Variants in PPARGC1A observed in about 807,000 individuals in gnomAD.
The protein encoded by PPARGC1A is peroxisome proliferator-activated receptor gamma coactivator 1-alpha.
In PPARGC1A, 25 loss-of-function variants were observed where a neutral mutation model predicts 88.7. That is an observed-to-expected ratio of 0.28 (90% confidence interval 0.21 to 0.39). The LOEUF (loss-of-function observed/expected upper bound fraction) is 0.39. Among genes scored for constraint, PPARGC1A ranks in the 10% least tolerant of loss-of-function variants. The pLI, the probability that PPARGC1A is intolerant of heterozygous loss-of-function variation, is 1.00. For synonymous variants in PPARGC1A, 363 were observed against 355.6 expected (o/e 1.02, Z -0.24); for missense variants, 880 against 968.7 (o/e 0.91, Z 1.22).
At chr4:24,150,225 T>C in the PPARGC1A span, among the ~76,000 whole-genome samples, 1 of 152,170 alleles carries the variant, frequency 6.6e-6, no homozygotes, top group East Asian at 1.9e-4. Context: ...GCTGGTGTAC[T>C]AGCGAACTAT....
chr4:24,156,929 T>C, the PPARGC1A span, among the ~76,000 whole-genome samples: 7 of 152,156 alleles, frequency 4.6e-5, no homozygotes, highest in Non-Finnish European at 1.0e-4. Context: ...ATGGTGTTGC[T>C]GACCAAAATA....
the PPARGC1A span, among the ~76,000 whole-genome samples, chr4:24,394,340 G>A: frequency 6.6e-6 from 1 of 152,262 alleles, no homozygotes; most frequent in Admixed American, 6.5e-5. Context: ...GCTGAGAGAA[G>A]GATACAAGGA....
the PPARGC1A span, among the ~76,000 whole-genome samples, chr4:23,990,455 G>A: frequency 6.6e-6 from 1 of 151,914 alleles, no homozygotes; most frequent in Non-Finnish European, 1.5e-5. Flanking sequence ...AGGATAGATT[G>A]TGTTCTTACA....
the PPARGC1A span, among the ~76,000 whole-genome samples, chr4:24,089,920 G>A: frequency 6.6e-6 from 1 of 152,180 alleles, no homozygotes; most frequent in Admixed American, 6.5e-5. Context: ...ATCTTTGGAA[G>A]CAAACAGCAC....
At chr4:24,344,394 C>T in the PPARGC1A span, among the ~76,000 whole-genome samples, 2 of 151,534 alleles carry the variant, frequency 1.3e-5, no homozygotes, top group African/African-American at 4.8e-5. Context: ...CTGTTCACTA[C>T]ATCCATGCCA....
chr4:23,796,239 C>T (rs1717579202), intron 12 of PPARGC1A, among the ~76,000 whole-genome samples: 3 of 152,124 alleles, frequency 2.0e-5, no homozygotes, highest in South Asian at 2.1e-4. Context: ...GCCCATGGTT[C>T]CTCAATAACT....
chr4:24,328,773 G>A, the PPARGC1A span, among the ~76,000 whole-genome samples: 2 of 152,126 alleles, frequency 1.3e-5, no homozygotes, highest in Non-Finnish European at 2.9e-5. Flanking sequence ...TGCTTTAAAC[G>A]GTCTGATTCT....
At chr4:23,866,839 C>T (rs1466897023) in intron 2 of PPARGC1A, among the ~76,000 whole-genome samples, 1 of 151,938 alleles carries the variant, frequency 6.6e-6, no homozygotes, top group East Asian at 1.9e-4. Flanking sequence ...CACATTTGCT[C>T]TCAGAGATAC....
At chr4:23,802,960 G>T (rs758016180) in intron 10 of PPARGC1A, among the ~76,000 whole-genome samples, 10 of 152,002 alleles carry the variant, frequency 6.6e-5, no homozygotes, top group Non-Finnish European at 1.2e-4. Context: ...TCTGTATAGT[G>T]CATTCTTTTT....
chr4:24,274,722 T>A, the PPARGC1A span, among the ~76,000 whole-genome samples: 1 of 152,186 alleles, frequency 6.6e-6, no homozygotes, highest in Non-Finnish European at 1.5e-5. Context: ...TTTAGGGAGA[T>A]GAAAGAGACC....
chr4:24,258,955 C>A, the PPARGC1A span, among the ~76,000 whole-genome samples: 1 of 152,210 alleles, frequency 6.6e-6, no homozygotes, highest in South Asian at 2.1e-4. Context: ...ATGTATATGA[C>A]ATAGGTCCTA....
the PPARGC1A span, among the ~76,000 whole-genome samples, chr4:24,245,241 C>A: frequency 3.9e-5 from 6 of 152,192 alleles, no homozygotes; most frequent in African/African-American, 1.4e-4. Context: ...ATACTGTGTA[C>A]CCCAAGGTTA....
chr4:24,110,657 T>C, the PPARGC1A span, among the ~76,000 whole-genome samples: 11 of 152,118 alleles, frequency 7.2e-5, no homozygotes, highest in Admixed American at 5.9e-4. Flanking sequence ...ATTTCAAACA[T>C]ACAAGGTGCA....
At chr4:24,058,563 A>G in the PPARGC1A span, among the ~76,000 whole-genome samples, 11 of 152,172 alleles carry the variant, frequency 7.2e-5, no homozygotes, top group African/African-American at 2.7e-4. Flanking sequence ...TGTTTATGAG[A>G]TAAACAGTAA....
the PPARGC1A span, among the ~76,000 whole-genome samples, chr4:24,233,600 A>G: frequency 6.8e-6 from 1 of 146,932 alleles, no homozygotes; most frequent in Non-Finnish European, 1.5e-5. Flanking sequence ...ACACACACAC[A>G]CACACACACA....
At chr4:24,073,765 G>A in the PPARGC1A span, among the ~76,000 whole-genome samples, 1 of 152,186 alleles carries the variant, frequency 6.6e-6, no homozygotes, top group Non-Finnish European at 1.5e-5. Context: ...CAGCTACTAT[G>A]TGGTAGAACC....
chr4:24,224,365 C>T, the PPARGC1A span, among the ~76,000 whole-genome samples: 1 of 152,080 alleles, frequency 6.6e-6, no homozygotes, highest in Admixed American at 6.6e-5. Context: ...AAAGAGAGCT[C>T]TGGAAGGAGA....
At chr4:24,312,766 T>C in the PPARGC1A span, among the ~76,000 whole-genome samples, 1 of 152,194 alleles carries the variant, frequency 6.6e-6, no homozygotes, top group Non-Finnish European at 1.5e-5. Flanking sequence ...TTAGAAGTTT[T>C]TTATTTGTTT....
At chr4:24,024,185 A>T in the PPARGC1A span, among the ~76,000 whole-genome samples, 1 of 152,188 alleles carries the variant, frequency 6.6e-6, no homozygotes, top group African/African-American at 2.4e-5. Flanking sequence ...TCCTGCCAGG[A>T]TTAGCATTTA....
Sources: allele counts gnomAD v4.1 joint callset (sites outside exome capture counted in the v4.1 genomes callset), GRCh38; gene constraint gnomAD v4.1.1; transcripts MANE v1.5; gene names NCBI Gene and HGNC (gene_info 2026-07-23, HGNC 2026-07-21).